GGT7: variants seen among roughly 807,000 people sequenced by gnomAD.
GGT7 encodes glutathione hydrolase 7.
Under a neutral mutation model 69.2 loss-of-function variants are expected in GGT7, and 30 were observed. The ratio of observed to expected loss-of-function variants is 0.43; its 90% CI spans 0.32 to 0.59. The LOEUF (loss-of-function observed/expected upper bound fraction) is 0.59, where lower values mean the gene tolerates loss of function less well. Among genes scored for constraint, GGT7 ranks in the 20% least tolerant of loss-of-function variants. The probability of loss-of-function intolerance (pLI) is 0.05; values close to 1 mark genes in which losing one functional copy is unlikely to be tolerated. For missense variants in GGT7, 733 were observed against 901.1 expected, an observed-to-expected ratio of 0.81 and a Z score of 2.39; for synonymous variants, 388 against 391.8, an observed-to-expected ratio of 0.99 and a Z score of 0.12.
intron 13 of GGT7, chr20:34,850,289 G>C: frequency 2.8e-6 from 2 of 718,272 alleles, no homozygotes; most frequent in South Asian, 1.4e-5. Flanking sequence ...CCAGAGTTTA[G>C]AGGAAGCCAG....
intron 14 of GGT7, among the ~76,000 whole-genome samples, chr20:34,846,477 AT>A (rs112911298): frequency 7.9e-4 from 114 of 143,668 alleles, no homozygotes; most frequent in East Asian, 2.6e-3. Context: ...CTAATTTTCT[AT>A]TTTTTTTTTT....
Position 34,865,346 on chromosome 20 carries a change from C to T in GGT7, c.170-1798G>A, listed in dbSNP as rs547347170. Among the ~76,000 whole-genome samples, 131 of 152,130 alleles carry T rather than the reference C, an allele frequency of 8.6e-4. No homozygotes were observed. The Middle Eastern group carries it at 0.014, about 16-fold the overall frequency. ...TTGAGACTACAGGCATGCCCCACTA[C>T]ACCTGGCTAATTTTTGTATTTTTTG... On this transcript the variant is annotated intron_variant, in intron 1 of 14. Transcript: ENST00000336431.
rs1340620752 is a variant in GGT7, at chr20:34,859,623, T to C, written c.834A>G (p.Glu278=). Residue 278 remains glutamate, a synonymous_variant, in exon 7 of 15, where the codon GAA becomes GAG. Transcript: ENST00000336431. ...GCTCGGACATGTTGGGTGGCAGCTG[T>C]TCAGCCAGGGCACGGGCTAGGGGCA... ...VTHDLARALA[E]QLPPNMSERF... is the part of the protein sequence containing the mutation. The C allele has an allele frequency of 6.3e-7, 1 of 1,597,768 alleles. No individual in the cohort carries two copies. The highest frequency in any genetic ancestry group is 1.7e-4 in the Middle Eastern group (1 of 6,012).
chr20:34,855,967 A>AT (rs967064059), intron 8 of GGT7, among the ~76,000 whole-genome samples: 1 of 151,980 alleles, frequency 6.6e-6, no homozygotes, highest in Non-Finnish European at 1.5e-5. Context: ...TAATTTTTAA[A>AT]TTTTTTATAG....
chr20:34,868,603 C>G (rs1165044986), intron 1 of GGT7, among the ~76,000 whole-genome samples: 1 of 152,124 alleles, frequency 6.6e-6, no homozygotes, highest in Non-Finnish European at 1.5e-5. Context: ...GGAACATTCT[C>G]TCTCCTCTCT....
chr20:34,859,970 T>A lies in GGT7; in HGVS notation c.816A>T (p.Leu272=). 2 of 1,551,332 alleles carry A rather than the reference T, an allele frequency of 1.3e-6. No individual in the cohort carries two copies. The highest frequency in any genetic ancestry group is 1.7e-6 in the Non-Finnish European group (2 of 1,142,862). The change falls in exon 6 of 15, where the codon CTA becomes CTT. Residue 272 remains leucine (L), a splice_region_variant and synonymous_variant. Coordinates refer to ENST00000336431, the MANE Select transcript of GGT7 (RefSeq NM_178026.3). ...CCCAAATCCCCAGGCCCCACTGACC[T>A]AGATCATGAGTCACGTTGAAGCCAT... The part of the protein sequence containing the change: ...AQDGFNVTHD[L]ARALAEQLPP...
At chr20:34,857,023 C>A in intron 7 of GGT7, 130 bp from the exon 8 acceptor site, 1 of 686,530 alleles carries the variant, frequency 1.5e-6, no homozygotes, top group South Asian at 1.6e-5. Flanking sequence ...CCATCGTGGC[C>A]TTTAGAGACC....
In GGT7 at chr20:34,845,129, A is replaced by ACCC; in HGVS notation, c.*198_*199insGGG. 1.8e-5 allele frequency: 6 copies of ACCC among 339,562 alleles called. No homozygotes were observed. The highest frequency in any genetic ancestry group is 4.2e-5 in the Admixed American group (1 of 23,582). The allele number at this position is 339,562 out of a possible 1,614,324, so 21.0% of individuals were successfully genotyped here. A position where few individuals can be genotyped will look rare whatever the true frequency, so the allele number is the denominator to read the frequency against. On this transcript the variant is annotated 3_prime_UTR_variant, in exon 15 of 15. Transcript: ENST00000336431. ...GCTGACACTCACCACCACCACCACC[A>ACCC]CCACCACCACCACCACCACCACCAC...
rs753993169 is a variant in GGT7 at position 34,860,340 on chromosome 20, C to T, written c.676-19G>A. On this transcript the variant is annotated intron_variant, in intron 4 of 14. Transcript: ENST00000336431. ...GCCCAGGCTGGGCAAGGCGGGTAGG[C>T]GAGGGAGAGAGGAGACCAGGTCACT... 18 of 1,604,918 alleles carry T rather than the reference C, an allele frequency of 1.1e-5. No homozygotes were observed. The highest frequency in any genetic ancestry group is 5.4e-5 in the African/African-American group (4 of 74,594).
chr20:34,845,282 G>T lies in GGT7; in HGVS notation c.*46C>A. On this transcript the variant is annotated 3_prime_UTR_variant, in exon 15 of 15. Transcript: ENST00000336431. ...AACCTGGGAGAAGGAGGGACTCTGG[G>T]AACATGCAAAGTGGGGGAGCAGAGA... 6.4e-7 allele frequency: 1 copy of T among 1,560,362 alleles called. No homozygotes were observed. The highest frequency in any genetic ancestry group is 2.0e-4 in the Middle Eastern group (1 of 5,058).
At chr20:34,856,507 G>A (rs2146902528) in intron 8 of GGT7, among the ~76,000 whole-genome samples, 1 of 152,252 alleles carries the variant, frequency 6.6e-6, no homozygotes, top group Middle Eastern at 3.4e-3. Flanking sequence ...CTGGGGAAAG[G>A]GCAGAGGCAA....
Position 34,845,429 on chromosome 20 carries a change from C to T in GGT7, c.1888G>A (p.Asp630Asn). 6.2e-7 allele frequency: 1 copy of T among 1,614,128 alleles called. No homozygotes were observed. Among genetic ancestry groups the T allele is most frequent in the South Asian group, 1.1e-5 (1 of 91,074 alleles). The change falls in exon 15 of 15, where the codon GAT becomes AAT. Residue 630 changes from aspartate to asparagine, a missense_variant. Coordinates refer to ENST00000336431, the MANE Select transcript of GGT7 (RefSeq NM_178026.3). ...CTGCCATGGACCCAGGATAAGACAT[C>T]TACTTTCTCCACGTGGTGACCCCTG... The part of the protein sequence containing the change: ...EARGHHVEKV[D>N]VLSWVHGSRR...
intron 8 of GGT7, among the ~76,000 whole-genome samples, chr20:34,855,787 T>TTG (rs1406251499): frequency 6.9e-5 from 4 of 58,122 alleles, no homozygotes; most frequent in African/African-American, 4.4e-4. Flanking sequence ...CTTTTTTCTT[T>TTG]TCTGTGTGTG....
intron 14 of GGT7, among the ~76,000 whole-genome samples, chr20:34,846,698 C>G (rs1165984744): frequency 6.6e-6 from 1 of 152,120 alleles, no homozygotes; most frequent in Admixed American, 6.6e-5. Flanking sequence ...CTGCTCAAAG[C>G]CCTCCAACAG....
chr20:34,855,814 T>TGTGTGTGTGTGAGA (rs56219337), intron 8 of GGT7, among the ~76,000 whole-genome samples: 11 of 144,626 alleles, frequency 7.6e-5, no homozygotes, highest in South Asian at 2.3e-4. Flanking sequence ...TGTGTGTGTG[T>TGTGTGTGTGTGAGA]GATAATGGTC....
chr20:34,851,271 C>G lies in GGT7; in HGVS notation c.1685G>C (p.Gly562Ala), dbSNP rs371319730. 5.0e-6 allele frequency: 8 copies of G among 1,613,914 alleles called. No homozygotes were observed. The highest frequency in any genetic ancestry group is 1.7e-4 in the Middle Eastern group (1 of 6,060). ...GAGGCCCCGCGCAGCTCCATTGGCC[C>G]CCAGAGCGAGGTAGGTTCCACAGAG... is the stretch of plus-strand genomic sequence containing the variant. ...EGLCGTYLALGANGAARGLSG... is the reference protein window; with the variant it reads ...EGLCGTYLALAANGAARGLSG... The change falls in exon 13 of 15, where the codon GGG becomes GCG. Residue 562 changes from glycine to alanine, a missense_variant. Gly to Ala is a moderately conservative substitution (Grantham distance 60). Coordinates refer to ENST00000336431, the MANE Select transcript of GGT7 (RefSeq NM_178026.3).
chr20:34,845,244 C>T lies in GGT7; in HGVS notation c.*84G>A, dbSNP rs1276798056. The T allele has an allele frequency of 2.2e-5, 29 of 1,316,736 alleles. No homozygotes were observed. Among genetic ancestry groups the T allele is most frequent in the Non-Finnish European group, 3.0e-5 (29 of 959,450 alleles). 81.6% of individuals were successfully genotyped at this position (1,316,736 alleles called of 1,614,324 possible). On this transcript the variant is annotated 3_prime_UTR_variant, in exon 15 of 15. Coordinates refer to ENST00000336431, the MANE Select transcript of GGT7 (RefSeq NM_178026.3). ...CCCTGATCTGGGGCATCCCTGGGGT[C>T]CCCCTGAGACCAAACCTGGGAGAAG...
At position 34,861,534 on chromosome 20, in the gene GGT7, G is replaced by C; in HGVS notation, c.586C>G (p.Arg196Gly). The C allele has an allele frequency of 6.6e-7, 1 of 1,519,844 alleles. No homozygotes were observed. The highest frequency in any genetic ancestry group is 8.9e-7 in the Non-Finnish European group (1 of 1,120,634). The allele number at this position is 1,519,844 out of a possible 1,614,324, so 94.1% of individuals were successfully genotyped here. A position where few individuals can be genotyped will look rare whatever the true frequency, so the allele number is the denominator to read the frequency against. Reference sequence around the variant, plus strand: ...TCAATTAGGTGGCTCTCATTTCGTCGGATGTCATGTACCAGCATCACGCCC... The same window carrying C: ...TCAATTAGGTGGCTCTCATTTCGTCCGATGTCATGTACCAGCATCACGCCC... ...GGGVMLVHDI[R>G]RNESHLIDFR... is the part of the protein sequence containing the mutation. Residue 196 changes from arginine (R) to glycine (G), a missense_variant, in exon 4 of 15, where the codon CGA becomes GGA. Coordinates refer to ENST00000336431, the MANE Select transcript of GGT7 (RefSeq NM_178026.3).
Position 34,859,493 on chromosome 20 carries a change from G to A in GGT7, c.964C>T (p.Pro322Ser), listed in dbSNP as rs1292931566. Reference protein sequence around the residue: ...EVLDVLGTSGPAAFYAGGNLT... With the variant: ...EVLDVLGTSGSAAFYAGGNLT... The stretch of plus-strand genomic sequence containing the variant: ...TTGCCACCTGCGTAGAAGGCAGCCG[G>A]GCCGGAGGTGCCAAGTACATCCAGC... Residue 322 changes from proline (P) to serine (S), a missense_variant, in exon 7 of 15, where the codon CCG (proline) becomes TCG (serine). By Grantham distance (74) the Pro-to-Ser change is moderately conservative (BLOSUM62 -1). Transcript: ENST00000336431. The A allele has an allele frequency of 6.8e-6, 11 of 1,606,574 alleles. No homozygotes were observed. Among genetic ancestry groups the A allele is most frequent in the East Asian group, 2.2e-5 (1 of 44,634 alleles).
Sources: gnomAD v4.1 joint callset for allele counts (sites outside exome capture counted in the v4.1 genomes callset) on GRCh38, gnomAD v4.1.1 for gene constraint, MANE v1.5 for transcripts, NCBI Gene and HGNC (gene_info 2026-07-23, HGNC 2026-07-21) for gene names.